OTOG: variants seen among roughly 807,000 people sequenced by gnomAD.
OTOG encodes otogelin.
In OTOG, 296 loss-of-function variants were observed where a neutral mutation model predicts 313.8. The observed-to-expected ratio is 0.94, with a 90% confidence interval of 0.86 to 1.04. The LOEUF is 1.04. OTOG is among the 50% of genes least tolerant of loss of function. The pLI is 0.00. For missense variants in OTOG, 3,948 were observed against 3,840.1 expected, an observed-to-expected ratio of 1.03 and a Z score of -0.74; for synonymous variants, 1,533 against 1,554.9, an observed-to-expected ratio of 0.99 and a Z score of 0.33.
At position 17,640,923 on chromosome 11, in the gene OTOG, G is replaced by A. The variant is rs753850661; in HGVS notation, c.8022G>A (p.Pro2674=). ...GCAKYECVKA[P]VCLSRELGVM... Reference sequence around the variant, plus strand: ...TGCATGCCCATCCAGTGAAGGCCCCGGTGTGTCTGAGCCGCGAGCTGGGTG... The same window carrying A: ...TGCATGCCCATCCAGTGAAGGCCCCAGTGTGTCTGAGCCGCGAGCTGGGTG... The change falls in exon 51 of 56, where the codon CCG becomes CCA. Residue 2674 remains proline, a synonymous_variant. Coordinates refer to ENST00000399397, the MANE Select transcript of OTOG (RefSeq NM_001292063.2). The A allele has an allele frequency of 4.4e-4, 683 of 1,548,172 alleles. No homozygotes were observed. Among genetic ancestry groups the A allele is most frequent in the Non-Finnish European group, 5.4e-4 (620 of 1,146,912 alleles).
intron 39 of OTOG, among the ~76,000 whole-genome samples, chr11:17,617,176 C>T (rs1853742014): frequency 6.6e-6 from 1 of 151,960 alleles, no homozygotes; most frequent in Admixed American, 6.6e-5. Flanking sequence ...GTGTGTTAAC[C>T]CAGTCTTGCC....
rs986834856 is a variant in OTOG, at chr11:17,586,547, C to G, written c.2833C>G (p.Pro945Ala). The G allele has an allele frequency of 7.0e-6, 10 of 1,436,258 alleles. No individual in the cohort carries two copies. Among genetic ancestry groups the G allele is most frequent in the African/African-American group, 1.5e-5 (1 of 68,128 alleles). 89.0% of individuals were successfully genotyped at this position (1,436,258 alleles called of 1,614,324 possible). A position where few individuals can be genotyped will look rare whatever the true frequency, so the allele number is the denominator to read the frequency against. The change falls in exon 24 of 56, where the codon CCT becomes GCT. Residue 945 changes from proline (P) to alanine (A), a missense_variant. Pro to Ala is a conservative substitution (Grantham distance 27, BLOSUM62 -1). Coordinates refer to ENST00000399397, the MANE Select transcript of OTOG (RefSeq NM_001292063.2). The stretch of plus-strand genomic sequence containing the variant: ...CACTTGGAAGGGGAAGGAGTATTTC[C>G]CTGGGGACCAGGTGATGTCTCCTTG... Reference protein sequence around the residue: ...PCTWKGKEYFPGDQVMSPCHT... With the variant: ...PCTWKGKEYFAGDQVMSPCHT...
At chr11:17,613,183 TTTCTTTCTTTCTTTTCTTTCTTTC>T (rs1853611347) in intron 38 of OTOG, among the ~76,000 whole-genome samples, 1 of 97,758 alleles carries the variant, frequency 1.0e-5, no homozygotes, top group African/African-American at 5.3e-5. Context: ...TCTTTCTTTC[TTTCTTTCTTTCTTTTCTTTCTTTC>T]TTTCTTTCTT....
rs755471073 is a variant in OTOG, at chr11:17,610,576, C to A, written c.5276C>A (p.Ala1759Asp). ...PPRPAQHTTMATRSPALPPET... is the reference protein window; with the variant it reads ...PPRPAQHTTMDTRSPALPPET... ...CGCCCAGCCCAGCATACCACCATGG[C>A]CACCAGGTCTCCAGCTCTGCCCCCA... Residue 1759 changes from alanine to aspartate, a missense_variant, in exon 36 of 56, where the codon GCC (alanine) becomes GAC (aspartate). Transcript: ENST00000399397. 1.3e-6 allele frequency: 2 copies of A among 1,550,590 alleles called. No homozygotes were observed. The highest frequency in any genetic ancestry group is 1.7e-6 in the Non-Finnish European group (2 of 1,146,928).
Position 17,608,491 on chromosome 11 carries a change from T to G in OTOG, c.4274+78T>G, listed in dbSNP as rs112588680. ...GTGTGCACTCACATACACTTGTGTA[T>G]GAGTGTTTCATATGTTGAGTGTATG... On this transcript the variant is annotated intron_variant, in intron 34 of 55. Transcript: ENST00000399397. 392 of 994,774 alleles carry G rather than the reference T, an allele frequency of 3.9e-4. 2 individuals are homozygous for G. The African/African-American group carries it at 5.7e-3, about 15-fold the overall frequency. The allele number at this position is 994,774 out of a possible 1,614,324, so 61.6% of individuals were successfully genotyped here. A position where few individuals can be genotyped will look rare whatever the true frequency, so the allele number is the denominator to read the frequency against.
At position 17,641,048 on chromosome 11, in the gene OTOG, AGATCAACACCACCTCC is replaced by A; in HGVS notation, c.8149_8164del (p.Ile2717CysfsTer72). On this transcript the variant is annotated frameshift_variant, in exon 51 of 56. Transcript: ENST00000399397. LOFTEE classifies it high-confidence loss of function. ...CTCGACCCTCTCACCAACTTCTACC[AGATCAACACCACCTCC>A]GTGCTCTGTGACATCCACTGTGAGG... 6.5e-7 allele frequency: 1 copy of A among 1,541,150 alleles called. No individual in the cohort carries two copies.
chr11:17,564,937 A>AAT (rs1852267758), intron 15 of OTOG, among the ~76,000 whole-genome samples: 1 of 152,160 alleles, frequency 6.6e-6, no homozygotes, highest in South Asian at 2.1e-4. Flanking sequence ...TGCAGCCCTC[A>AAT]AAGTGTTTTT....
At chr11:17,559,744 A>T in intron 12 of OTOG, 82 bp downstream of exon 12, 1 of 1,284,524 alleles carries the variant, frequency 7.8e-7, no homozygotes, top group Non-Finnish European at 1.1e-6. Flanking sequence ...TTCAGAAGAT[A>T]CCTGTTTGTG....
At chr11:17,576,220 C>G (rs1021097673) in intron 20 of OTOG, among the ~76,000 whole-genome samples, 2 of 152,232 alleles carry the variant, frequency 1.3e-5, no homozygotes, top group Non-Finnish European at 2.9e-5. Flanking sequence ...TGCCCTGTTC[C>G]TGACATGGCA....
At chr11:17,552,738 T>G (rs573993549) in intron 4 of OTOG, among the ~76,000 whole-genome samples, 3 of 152,322 alleles carry the variant, frequency 2.0e-5, no homozygotes, top group Non-Finnish European at 4.4e-5. Flanking sequence ...CTTCCCTGAG[T>G]GTGTGGAGCA....
At chr11:17,560,970 G>A in intron 13 of OTOG, 121 bp from the exon 14 acceptor site, 4 of 1,272,586 alleles carry the variant, frequency 3.1e-6, no homozygotes, top group Non-Finnish European at 4.4e-6. Flanking sequence ...AATCCATGGG[G>A]GAAATCTCTA....
At chr11:17,630,382 A>C (rs991509175) in intron 40 of OTOG, among the ~76,000 whole-genome samples, 1 of 152,172 alleles carries the variant, frequency 6.6e-6, no homozygotes, top group African/African-American at 2.4e-5. Context: ...CCTCCCTAGG[A>C]TACCTTTGGG....
intron 39 of OTOG, among the ~76,000 whole-genome samples, chr11:17,623,357 C>G (rs1194739414): frequency 1.3e-5 from 2 of 152,152 alleles, no homozygotes; most frequent in South Asian, 2.1e-4. Flanking sequence ...TCCATGTGCT[C>G]TCATCATTTA....
chr11:17,594,137 G>C lies in OTOG; in HGVS notation c.3379G>C (p.Glu1127Gln), dbSNP rs1853030445. 3 of 1,550,486 alleles carry C rather than the reference G, an allele frequency of 1.9e-6. No homozygotes were observed. The highest frequency in any genetic ancestry group is 2.6e-6 in the Non-Finnish European group (3 of 1,147,004). The part of the protein sequence containing the change: ...PENLELTNPQ[E>Q]FGSSWAAVEC... ...GAACCTAGAGCTAACTAACCCCCAGGAGTTTGGCAGCAGTTGGGCTGCAGT... is the reference window on the plus strand; with the variant it reads ...GAACCTAGAGCTAACTAACCCCCAGCAGTTTGGCAGCAGTTGGGCTGCAGT... The change falls in exon 28 of 56, where the codon GAG becomes CAG. Residue 1127 changes from glutamate (E) to glutamine (Q), a missense_variant. Glu to Gln is a conservative substitution (Grantham distance 29). Transcript: ENST00000399397.
intron 23 of OTOG, among the ~76,000 whole-genome samples, chr11:17,585,529 C>A (rs1263549858): frequency 1.3e-5 from 2 of 152,144 alleles, no homozygotes; most frequent in Non-Finnish European, 2.9e-5. Flanking sequence ...ATATTCATTT[C>A]TTTCCTACTA....
intron 28 of OTOG, among the ~76,000 whole-genome samples, chr11:17,595,301 C>T (rs1407746925): frequency 6.6e-6 from 1 of 152,230 alleles, no homozygotes; most frequent in African/African-American, 2.4e-5. Flanking sequence ...ATATTTCTCT[C>T]TTGCTAATCC....
At chr11:17,560,113 T>C (rs1451059936) in intron 12 of OTOG, among the ~76,000 whole-genome samples, 3 of 152,254 alleles carry the variant, frequency 2.0e-5, no homozygotes, top group African/African-American at 4.8e-5. Context: ...GGTTTATGTA[T>C]ACACATACAT....
chr11:17,575,041 C>T, intron 20 of OTOG, 129 bp downstream of exon 20: 2 of 950,362 alleles, frequency 2.1e-6, no homozygotes, highest in Non-Finnish European at 3.0e-6. Context: ...CAGGCCAGAC[C>T]TTGGTGGGTA....
At chr11:17,558,094 C>G in intron 8 of OTOG, 91 bp from the exon 9 acceptor site, 1 of 1,451,708 alleles carries the variant, frequency 6.9e-7, no homozygotes, top group Non-Finnish European at 9.3e-7. Context: ...CTTACCCATC[C>G]CTTGGGATCC....
Sources: gnomAD v4.1 joint callset for allele counts (sites outside exome capture counted in the v4.1 genomes callset) on GRCh38, gnomAD v4.1.1 for gene constraint, MANE v1.5 for transcripts, NCBI Gene and HGNC (gene_info 2026-07-23, HGNC 2026-07-21) for gene names.